R3HDM1: variants seen among roughly 807,000 people sequenced by gnomAD.
R3HDM1 encodes the protein R3H domain containing 1, also known as R3H domain-containing protein 1.
Under a neutral mutation model 141.1 loss-of-function variants are expected in R3HDM1, and 46 were observed. That is an observed-to-expected ratio of 0.33 (90% CI 0.26 to 0.42). The LOEUF (loss-of-function observed/expected upper bound fraction) is 0.42. Ranked by LOEUF, R3HDM1 falls within the 10% of genes least tolerant of loss-of-function variation. The probability of loss-of-function intolerance (pLI) is 1.00; values close to 1 mark genes in which losing one functional copy is unlikely to be tolerated. For synonymous variants in R3HDM1, 435 were observed against 472.9 expected (o/e 0.92, Z 1.04); for missense variants, 1,184 against 1,368.3 (o/e 0.87, Z 2.12).
In R3HDM1 at chr2:135,690,537, A is replaced by G. The variant is rs183452625; in HGVS notation, c.2459+10213A>G. Among the ~76,000 whole-genome samples the G allele has an allele frequency of 1.1e-4, 17 of 152,294 alleles. 1 individual carries two copies. The highest frequency in any genetic ancestry group is 4.6e-4 in the Admixed American group (7 of 15,298). ...AATATGTTTTAAACTGAGCAAACCA[A>G]TATACCCTACAGCATATCTGCACTG... On this transcript the variant is annotated intron_variant, in intron 21 of 26. Transcript: ENST00000683871.
chr2:135,539,390 T>C (rs1696965007), intron 1 of R3HDM1, among the ~76,000 whole-genome samples: 2 of 152,248 alleles, frequency 1.3e-5, no homozygotes, highest in African/African-American at 2.4e-5. Flanking sequence ...TGTTGTGTTA[T>C]GAAGGCTGTG....
intron 19 of R3HDM1, among the ~76,000 whole-genome samples, chr2:135,674,172 T>G (rs958518379): frequency 4.6e-5 from 7 of 152,234 alleles, no homozygotes; most frequent in Admixed American, 6.5e-5. Context: ...ATTCAATTAT[T>G]TAGTCCCTGA....
rs1361554716 is a variant in R3HDM1, at chr2:135,577,084, T to C, written c.-249-25416T>C. 4.2e-6 allele frequency: 4 copies of C among 942,892 alleles called. No individual in the cohort carries two copies. The African/African-American group carries it at 5.4e-5, about 13-fold the overall frequency. The allele number at this position is 942,892 out of a possible 1,614,324, so 58.4% of individuals were successfully genotyped here. A position where few individuals can be genotyped will look rare whatever the true frequency, so the allele number is the denominator to read the frequency against. ...TCCAAACAGGTTAAGAATCTAAATG[T>C]TTAAAGAGAGAGAAAAAAAGACCAT... On this transcript the variant is annotated intron_variant, in intron 1 of 26. Transcript: ENST00000683871.
At chr2:135,718,270 G>T (rs181985697) in intron 24 of R3HDM1, among the ~76,000 whole-genome samples, 1 of 152,134 alleles carries the variant, frequency 6.6e-6, no homozygotes, top group Non-Finnish European at 1.5e-5. Flanking sequence ...ATGGTTACAC[G>T]GACTTTTACA....
At chr2:135,634,088 A>G (rs1173955981) in intron 9 of R3HDM1, among the ~76,000 whole-genome samples, 2 of 152,186 alleles carry the variant, frequency 1.3e-5, no homozygotes, top group Non-Finnish European at 2.9e-5. Context: ...AAATCTTTCA[A>G]ACCCTTGAAG....
chr2:135,628,918 G>A (rs775096396), intron 7 of R3HDM1, among the ~76,000 whole-genome samples: 1 of 152,120 alleles, frequency 6.6e-6, no homozygotes, highest in Non-Finnish European at 1.5e-5. Flanking sequence ...GAGCCACCGC[G>A]CCCAGCTAGT....
chr2:135,706,825 C>T lies in R3HDM1; in HGVS notation c.2460-2608C>T, dbSNP rs534152762. Reference sequence around the variant, plus strand: ...ATCCGATTTCTCAATCTATTCCCCACCTTTCCCCCTTTTCTATTCCACAAA... The same window carrying T: ...ATCCGATTTCTCAATCTATTCCCCATCTTTCCCCCTTTTCTATTCCACAAA... On this transcript the variant is annotated intron_variant, in intron 21 of 26. Transcript: ENST00000683871. 7.2e-5 allele frequency among the ~76,000 whole-genome samples: 11 copies of T among 152,350 alleles called. No homozygotes were observed. The South Asian group carries it at 2.1e-3, about 29-fold the overall frequency.
chr2:135,721,746 C>G (rs1438341694), intron 24 of R3HDM1, 178 bp from the exon 25 acceptor site: 3 of 442,400 alleles, frequency 6.8e-6, no homozygotes, highest in Non-Finnish European at 1.3e-5. Context: ...CACCACCAGG[C>G]CTGGCTAATT....
At chr2:135,685,385 A>T (rs1379275699) in intron 21 of R3HDM1, among the ~76,000 whole-genome samples, 3 of 152,094 alleles carry the variant, frequency 2.0e-5, no homozygotes, top group Admixed American at 2.0e-4. Context: ...CACACACTCA[A>T]ATTGAGTTTA....
intron 1 of R3HDM1, among the ~76,000 whole-genome samples, chr2:135,571,752 A>G (rs1270999428): frequency 2.0e-5 from 3 of 151,656 alleles, no homozygotes; most frequent in Middle Eastern, 3.4e-3. Context: ...TCAACCCCCA[A>G]CGGAGCTGGG....
intron 1 of R3HDM1, among the ~76,000 whole-genome samples, chr2:135,582,862 TAATA>T (rs1231242126): frequency 6.6e-6 from 1 of 152,202 alleles, no homozygotes; most frequent in Non-Finnish European, 1.5e-5. Flanking sequence ...TTTAAATTCT[TAATA>T]AATAAAAAAT....
chr2:135,551,354 T>G (rs997466480), intron 1 of R3HDM1, among the ~76,000 whole-genome samples: 2 of 152,210 alleles, frequency 1.3e-5, no homozygotes, highest in Admixed American at 6.5e-5. Flanking sequence ...AAGAGAATTA[T>G]AAAAGGTATT....
intron 1 of R3HDM1, among the ~76,000 whole-genome samples, chr2:135,567,681 G>A (rs1461950673): frequency 1.3e-5 from 2 of 151,906 alleles, no homozygotes; most frequent in African/African-American, 2.4e-5. Flanking sequence ...GTCATTTACT[G>A]TTCTCATTTC....
chr2:135,715,817 C>G, intron 24 of R3HDM1, 123 bp downstream of exon 24: 2 of 1,187,330 alleles, frequency 1.7e-6, no homozygotes, highest in Non-Finnish European at 2.3e-6. Flanking sequence ...TTCACCTACA[C>G]TCAGGCATGT....
chr2:135,716,988 G>A (rs2076222633), intron 24 of R3HDM1, among the ~76,000 whole-genome samples: 1 of 119,968 alleles, frequency 8.3e-6, no homozygotes, highest in Non-Finnish European at 1.8e-5. Context: ...ACAAACACGG[G>A]GAGCAGTATT....
chr2:135,709,443 G>A lies in R3HDM1; in HGVS notation c.2470G>A (p.Gly824Ser), dbSNP rs748749033. Residue 824 changes from glycine (G) to serine (S), a missense_variant, in exon 22 of 27, where the codon GGT (glycine) becomes AGT (serine). Gly to Ser is a moderately conservative substitution (Grantham distance 56). Transcript: ENST00000683871. Reference sequence around the variant, plus strand: ...TTGTTTTTTCCATAGCTCTTCAGTAGGTTACCTGCAACATCCAGGATCAGA... The same window carrying A: ...TTGTTTTTTCCATAGCTCTTCAGTAAGTTACCTGCAACATCCAGGATCAGA... ...GQQNNLSSSV[G>S]YLQHPGSEQV... The A allele has an allele frequency of 6.2e-7, 1 of 1,614,032 alleles. No homozygotes were observed. Among genetic ancestry groups the A allele is most frequent in the East Asian group, 2.2e-5 (1 of 44,886 alleles).
intron 1 of R3HDM1, among the ~76,000 whole-genome samples, chr2:135,567,463 G>C (rs764310320): frequency 3.9e-5 from 6 of 152,292 alleles, no homozygotes; most frequent in Admixed American, 6.5e-5. Context: ...TGGGGAAGGG[G>C]TCTAGGGGCT....
chr2:135,630,296 A>AC (rs2062556451), intron 7 of R3HDM1, among the ~76,000 whole-genome samples: 1 of 145,928 alleles, frequency 6.9e-6, no homozygotes, highest in Non-Finnish European at 1.5e-5. Flanking sequence ...AAAAAAAAAA[A>AC]AAAAAAAAAA....
chr2:135,612,911 C>T (rs1318701180), intron 3 of R3HDM1, among the ~76,000 whole-genome samples: 1 of 152,086 alleles, frequency 6.6e-6, no homozygotes, highest in Non-Finnish European at 1.5e-5. Flanking sequence ...GTTTTCTCTG[C>T]TTTGTTATGT....
Sources: allele counts gnomAD v4.1 joint callset (sites outside exome capture counted in the v4.1 genomes callset), GRCh38; gene constraint gnomAD v4.1.1; transcripts MANE v1.5; gene names NCBI Gene and HGNC (gene_info 2026-07-23, HGNC 2026-07-21).